ANGPT1: variants seen among roughly 807,000 people sequenced by gnomAD.
The protein encoded by ANGPT1 is angiopoietin-1.
Under a neutral mutation model 62.2 loss-of-function variants are expected in ANGPT1, and 17 were observed. That is an observed-to-expected ratio of 0.27 (90% CI 0.19 to 0.41). ANGPT1 has a LOEUF of 0.41. Among genes scored for constraint, ANGPT1 ranks in the 10% least tolerant of loss-of-function variants. The pLI, the probability that ANGPT1 is intolerant of heterozygous loss-of-function variation, is 1.00. For missense variants in ANGPT1, 478 were observed against 594.9 expected (o/e 0.80, Z 2.04); for synonymous variants, 199 against 198.9 (o/e 1.00, Z 0.00).
chr8:107,367,361 T>A (rs1474532218), intron 1 of ANGPT1, among the ~76,000 whole-genome samples: 1 of 152,206 alleles, frequency 6.6e-6, no homozygotes, highest in African/African-American at 2.4e-5. Flanking sequence ...CAACTGAGAC[T>A]TCAGTGAATC....
At chr8:107,425,561 C>A (rs1322456660) in intron 1 of ANGPT1, among the ~76,000 whole-genome samples, 2 of 152,172 alleles carry the variant, frequency 1.3e-5, no homozygotes, top group Non-Finnish European at 2.9e-5. Context: ...CCTCTACATC[C>A]TTTATCCCCA....
At chr8:107,397,373 T>C (rs765151757) in intron 1 of ANGPT1, among the ~76,000 whole-genome samples, 9 of 152,172 alleles carry the variant, frequency 5.9e-5, no homozygotes, top group Non-Finnish European at 1.3e-4. Flanking sequence ...CAGATGCTTT[T>C]GACTCATACA....
At chr8:107,481,532 CAAAA>C (rs71562147) in intron 1 of ANGPT1, among the ~76,000 whole-genome samples, 9 of 64,318 alleles carry the variant, frequency 1.4e-4, no homozygotes, top group South Asian at 7.4e-4. Context: ...GACTCTGTCT[CAAAA>C]AAAAAAAAAA....
intron 7 of ANGPT1, among the ~76,000 whole-genome samples, chr8:107,281,034 TTTC>T (rs1377540141): frequency 9.2e-5 from 14 of 152,340 alleles, no homozygotes; most frequent in Middle Eastern, 3.4e-3. Flanking sequence ...ATTATTATTT[TTTC>T]TTATTTATAT....
chr8:107,309,496 C>A (rs1413936674), intron 4 of ANGPT1, among the ~76,000 whole-genome samples: 2 of 152,076 alleles, frequency 1.3e-5, no homozygotes, highest in African/African-American at 4.8e-5. Context: ...TCTCTGGAAT[C>A]CTAATTTATT....
rs1401524363 is a variant in ANGPT1, at chr8:107,476,402, A to G, written c.297+20860T>C. On this transcript the variant is annotated intron_variant, in intron 1 of 8. Transcript: ENST00000517746. ...ATGAACAATGAGAACACTTGGGCACAGGAAGGGGAACATCACACACCAGGG... is the reference window on the plus strand; with the variant it reads ...ATGAACAATGAGAACACTTGGGCACGGGAAGGGGAACATCACACACCAGGG... 9.9e-5 allele frequency among the ~76,000 whole-genome samples: 15 copies of G among 152,118 alleles called. No homozygotes were observed. The East Asian group carries it at 2.7e-3, about 28-fold the overall frequency.
At chr8:107,288,789 T>C (rs957874306) in intron 6 of ANGPT1, among the ~76,000 whole-genome samples, 24 of 152,146 alleles carry the variant, frequency 1.6e-4, no homozygotes, top group African/African-American at 5.5e-4. Context: ...TGATTACATG[T>C]CTGGGACTGT....
At chr8:107,474,425 G>A (rs1437114580) in intron 1 of ANGPT1, among the ~76,000 whole-genome samples, 3 of 152,000 alleles carry the variant, frequency 2.0e-5, no homozygotes, top group African/African-American at 7.2e-5. Flanking sequence ...GGTATTGATG[G>A]GACATATCTC....
At chr8:107,300,082 TAGAG>T (rs1246542393) in intron 5 of ANGPT1, among the ~76,000 whole-genome samples, 1 of 144,258 alleles carries the variant, frequency 6.9e-6, no homozygotes, top group Non-Finnish European at 1.5e-5. Flanking sequence ...TCTATATCTA[TAGAG>T]ATCTATATAT....
chr8:107,369,614 T>C (rs1016689755), intron 1 of ANGPT1, among the ~76,000 whole-genome samples: 2 of 152,166 alleles, frequency 1.3e-5, no homozygotes, highest in Non-Finnish European at 2.9e-5. Context: ...GCTAGAGATG[T>C]ACAATTCTTC....
At chr8:107,307,614 T>C (rs1034607976) in intron 4 of ANGPT1, among the ~76,000 whole-genome samples, 1 of 152,132 alleles carries the variant, frequency 6.6e-6, no homozygotes, top group Non-Finnish European at 1.5e-5. Context: ...CCCTTTCAAC[T>C]TCTCCAATTG....
chr8:107,418,824 A>G (rs1008295912), intron 1 of ANGPT1, among the ~76,000 whole-genome samples: 1 of 152,192 alleles, frequency 6.6e-6, no homozygotes, highest in Admixed American at 6.5e-5. Flanking sequence ...TCTTCCTTCA[A>G]CTTCCCAGAA....
chr8:107,352,633 A>C (rs987603149), intron 1 of ANGPT1, among the ~76,000 whole-genome samples: 1 of 152,192 alleles, frequency 6.6e-6, no homozygotes, highest in African/African-American at 2.4e-5. Context: ...GGTCTCTTAA[A>C]CCAGAGCATA....
intron 7 of ANGPT1, among the ~76,000 whole-genome samples, chr8:107,270,161 T>C (rs1813705431): frequency 1.3e-5 from 2 of 152,044 alleles, no homozygotes; most frequent in Non-Finnish European, 2.9e-5. Flanking sequence ...TAATTTTCTC[T>C]ACTTAAGAGA....
intron 1 of ANGPT1, among the ~76,000 whole-genome samples, chr8:107,377,405 G>C (rs1816551079): frequency 6.6e-6 from 1 of 152,234 alleles, no homozygotes; most frequent in African/African-American, 2.4e-5. Flanking sequence ...ATCCTGTCTG[G>C]ATAAATCTGC....
intron 1 of ANGPT1, among the ~76,000 whole-genome samples, chr8:107,429,546 CAGTGAAATGCTTCTTACTTCAGGGTT>C (rs1347752235): frequency 6.6e-6 from 1 of 151,182 alleles, no homozygotes; most frequent in African/African-American, 2.4e-5. Flanking sequence ...GAAGAGTCTG[CAGTGAAATGCTTCTTACTTCAGGGTT>C]AATTATTTGT....
intron 3 of ANGPT1, among the ~76,000 whole-genome samples, chr8:107,326,988 T>C (rs1029622548): frequency 2.0e-5 from 3 of 152,108 alleles, no homozygotes; most frequent in African/African-American, 7.2e-5. Flanking sequence ...CTTTTATTCA[T>C]CATGTTATAC....
At chr8:107,468,355 T>C (rs978520189) in intron 1 of ANGPT1, among the ~76,000 whole-genome samples, 1 of 152,020 alleles carries the variant, frequency 6.6e-6, no homozygotes, top group African/African-American at 2.4e-5. Flanking sequence ...AATCAAATAA[T>C]AAATACATTA....
rs1282891729 is a variant in ANGPT1, at chr8:107,249,919, G to T, written c.*1936C>A. 1 of 152,408 alleles carries T rather than the reference G, an allele frequency of 6.6e-6. No homozygotes were observed. The highest frequency in any genetic ancestry group is 6.6e-5 in the Admixed American group (1 of 15,242). The allele number at this position is 152,408 out of a possible 1,614,324, so 9.4% of individuals were successfully genotyped here. A position where few individuals can be genotyped will look rare whatever the true frequency, so the allele number is the denominator to read the frequency against. ...GAAAACAGTTGAGAAGTTTTTAGAAGGAGAGGCTTACCTGCTATGAAGAAG... is the reference window on the plus strand; with the variant it reads ...GAAAACAGTTGAGAAGTTTTTAGAATGAGAGGCTTACCTGCTATGAAGAAG... On this transcript the variant is annotated 3_prime_UTR_variant, in exon 9 of 9. Coordinates refer to ENST00000517746, the MANE Select transcript of ANGPT1 (RefSeq NM_001146.5).
Sources: allele counts gnomAD v4.1 joint callset (sites outside exome capture counted in the v4.1 genomes callset), GRCh38; gene constraint gnomAD v4.1.1; transcripts MANE v1.5; gene names NCBI Gene and HGNC (gene_info 2026-07-23, HGNC 2026-07-21).